Variants in PSG7 observed in about 807,000 individuals in gnomAD.
PSG7 encodes the protein pregnancy-specific beta-1-glycoprotein 7.
PSG7 carries 57 observed loss-of-function variants against 45.6 expected under a neutral mutation model. The observed-to-expected ratio is 1.25, with a 90% CI of 1.01 to 1.56. The LOEUF (loss-of-function observed/expected upper bound fraction) is 1.56, where lower values mean the gene tolerates loss of function less well. PSG7 is among the 40% of genes most tolerant of loss of function. The pLI is 0.00. For synonymous variants in PSG7, 298 were observed against 194.4 expected (o/e 1.53, Z -4.43); for missense variants, 796 against 508.4 (o/e 1.57, Z -5.44).
In PSG7 at chr19:42,932,534, C is replaced by A. The variant is rs141455503; in HGVS notation, c.431-2814G>T. The stretch of plus-strand genomic sequence containing the variant: ...GCCCATGGGCTTTGGGAACTGCAGG[C>A]CCTTCCAGCCTCTGACACCCTGATG... On this transcript the variant is annotated intron_variant, in intron 2 of 5. Coordinates refer to ENST00000406070, the MANE Select transcript of PSG7 (RefSeq NM_002783.3). Among the ~76,000 whole-genome samples the A allele has an allele frequency of 5.3e-5, 8 of 151,416 alleles. 1 individual carries two copies. The highest frequency in any genetic ancestry group is 1.9e-4 in the African/African-American group (8 of 41,214).
chr19:42,925,516 T>C (rs999531913), intron 5 of PSG7: 6 of 966,646 alleles, frequency 6.2e-6, no homozygotes, highest in African/African-American at 3.3e-5. Context: ...AACATTATCC[T>C]CATTATTATC....
Position 42,924,415 on chromosome 19 carries a change from G to C in PSG7, c.*393C>G, listed in dbSNP as rs1972481438. 4.3e-6 allele frequency: 2 copies of C among 464,716 alleles called. No individual in the cohort carries two copies. Among genetic ancestry groups the C allele is most frequent in the East Asian group, 6.2e-5 (2 of 32,256 alleles). 28.8% of individuals were successfully genotyped at this position (464,716 alleles called of 1,614,324 possible). On this transcript the variant is annotated 3_prime_UTR_variant, in exon 6 of 6. Coordinates refer to ENST00000406070, the MANE Select transcript of PSG7 (RefSeq NM_002783.3). ...AGTCTGAGGTTGAGATGACATATCT[G>C]ACACTCTGTTGTTACCCTCAGAAGC...
intron 2 of PSG7, among the ~76,000 whole-genome samples, chr19:42,934,376 C>G (rs1973100089): frequency 6.6e-6 from 1 of 151,288 alleles, no homozygotes; most frequent in Non-Finnish European, 1.5e-5. Flanking sequence ...AGTAAGCCCT[C>G]ACTTCTGGTG....
chr19:42,926,491 A>C lies in PSG7; in HGVS notation c.935T>G (p.Ile312Arg), dbSNP rs1972892699. 1.9e-6 allele frequency: 3 copies of C among 1,611,504 alleles called. No individual in the cohort carries two copies. Among genetic ancestry groups the C allele is most frequent in the Non-Finnish European group, 2.5e-6 (3 of 1,178,990 alleles). ...RNETGPYQCE[I>R]RDRYGGIRSD... ...GCGGATGCCACCATATCGGTCCCGT[A>C]TTTCACATTGATAGGGTCCTGTTTC... The change falls in exon 4 of 6, where the codon ATA (isoleucine) becomes AGA (arginine). Residue 312 changes from isoleucine to arginine, a missense_variant. Physicochemically the swap from Ile to Arg is moderately conservative, Grantham distance 97. Transcript: ENST00000406070.
chr19:42,925,934 G>A lies in PSG7; in HGVS notation c.1082C>T (p.Pro361Leu), dbSNP rs184944789. The A allele has an allele frequency of 3.0e-5, 48 of 1,612,212 alleles. 2 individuals carry two copies. Among genetic ancestry groups the A allele is most frequent in the Admixed American group, 1.0e-4 (6 of 59,892 alleles). Reference protein sequence around the residue: ...YLSCFADSNPPAQYSWTINGK... With the variant: ...YLSCFADSNPLAQYSWTINGK... Reference sequence around the variant, plus strand: ...ATTAATTGTCCAAGAATACTGTGCCGGTGGGTTAGAGTCCGCAAAGCAGGA... The same window carrying A: ...ATTAATTGTCCAAGAATACTGTGCCAGTGGGTTAGAGTCCGCAAAGCAGGA... The change falls in exon 5 of 6, where the codon CCG (proline) becomes CTG (leucine). Residue 361 changes from proline (P) to leucine (L), a missense_variant. Coordinates refer to ENST00000406070, the MANE Select transcript of PSG7 (RefSeq NM_002783.3).
At chr19:42,931,681 G>A (rs1323964635) in intron 2 of PSG7, among the ~76,000 whole-genome samples, 6 of 151,372 alleles carry the variant, frequency 4.0e-5, no homozygotes. Flanking sequence ...TATGAAAACG[G>A]CATCATCATG....
Position 42,935,390 on chromosome 19 carries a change from G to A in PSG7, c.430+14C>T. The A allele has an allele frequency of 6.2e-7, 1 of 1,611,252 alleles. No individual in the cohort carries two copies. The highest frequency in any genetic ancestry group is 8.5e-7 in the Non-Finnish European group (1 of 1,178,532). On this transcript the variant is annotated intron_variant, in intron 2 of 5. Coordinates refer to ENST00000406070, the MANE Select transcript of PSG7 (RefSeq NM_002783.3). ...CTGCCCCCCAACACCCAGGGACCAT[G>A]TGGAATCACTCACGGTATAAGGTGA...
chr19:42,933,282 TATATATATATATATATA>T (rs1973063636), intron 2 of PSG7, among the ~76,000 whole-genome samples: 1 of 7,374 alleles, frequency 1.4e-4, no homozygotes, highest in South Asian at 7.1e-3. Flanking sequence ...TATATATATA[TATATATATATATATATA>T]TATATATATT....
rs564998357 is a variant in PSG7, at chr19:42,924,226, C to T, written c.*582G>A. Reference sequence around the variant, plus strand: ...TAGGAAATGGTGAGAGCCATCCACACAATGTGCATTTAAAGGGGAGTCTAC... The same window carrying T: ...TAGGAAATGGTGAGAGCCATCCACATAATGTGCATTTAAAGGGGAGTCTAC... On this transcript the variant is annotated 3_prime_UTR_variant, in exon 6 of 6. Coordinates refer to ENST00000406070, the MANE Select transcript of PSG7 (RefSeq NM_002783.3). 1 of 213,472 alleles carries T rather than the reference C, an allele frequency of 4.7e-6. No individual in the cohort carries two copies. The highest frequency in any genetic ancestry group is 1.1e-4 in the East Asian group (1 of 9,348). 13.2% of individuals were successfully genotyped at this position (213,472 alleles called of 1,614,324 possible).
In PSG7 at chr19:42,933,290, TATATA is replaced by T. The variant is rs1285532250; in HGVS notation, c.430+2109_430+2113del. Reference sequence around the variant, plus strand: ...CAATATATATATATATATATATATATATATATATATATATATATTTTTTTTTTTTT... The same window carrying T: ...CAATATATATATATATATATATATATTATATATATATATTTTTTTTTTTTT... On this transcript the variant is annotated intron_variant, in intron 2 of 5. Coordinates refer to ENST00000406070, the MANE Select transcript of PSG7 (RefSeq NM_002783.3). 6.5e-3 allele frequency among the ~76,000 whole-genome samples: 78 copies of T among 12,034 alleles called. 7 individuals are homozygous for T. The highest frequency in any genetic ancestry group is 0.015 in the African/African-American group (76 of 4,920). The allele number at this position is 12,034 out of a possible 152,430, so 7.9% of individuals were successfully genotyped here.
chr19:42,933,285 ATATATATATATATATATATATAT>A (rs1170798428), intron 2 of PSG7, among the ~76,000 whole-genome samples: 4 of 8,218 alleles, frequency 4.9e-4, no homozygotes, highest in East Asian at 5.8e-3. Flanking sequence ...ATATATATAT[ATATATATATATATATATATATAT>A]TTTTTTTTTT....
At chr19:42,933,719 G>A (rs1973083711) in intron 2 of PSG7, among the ~76,000 whole-genome samples, 1 of 150,984 alleles carries the variant, frequency 6.6e-6, no homozygotes, top group South Asian at 2.1e-4. Context: ...ACACAGAGAA[G>A]CAGAGAGAGG....
chr19:42,934,591 G>A (rs560344767), intron 2 of PSG7, among the ~76,000 whole-genome samples: 3 of 151,656 alleles, frequency 2.0e-5, no homozygotes, highest in East Asian at 1.9e-4. Context: ...GACCTAATGC[G>A]TAGCACTGTG....
intron 2 of PSG7, among the ~76,000 whole-genome samples, chr19:42,930,298 A>G (rs554233004): frequency 4.6e-5 from 7 of 151,678 alleles, no homozygotes; most frequent in Non-Finnish European, 8.8e-5. Context: ...CAGTGCAGCC[A>G]CAAGGTGGCG....
intron 2 of PSG7, among the ~76,000 whole-genome samples, chr19:42,932,075 G>C (rs1200202582): frequency 6.6e-6 from 1 of 151,244 alleles, no homozygotes; most frequent in Non-Finnish European, 1.5e-5. Flanking sequence ...CCAGGCTGGA[G>C]TGCAGTGGCA....
rs1008506392 is a variant in PSG7, at chr19:42,926,559, G to A, written c.867C>T (p.Arg289=). The change falls in exon 4 of 6, where the codon CGC becomes CGT. Residue 289 remains arginine, a synonymous_variant. Transcript: ENST00000406070. ...SLPVSPRVKR[R]IENRILILPS... Reference sequence around the variant, plus strand: ...GTAGAATGAGGATCCTGTTTTCAATGCGTCGCTTTACCCTGGGACTGACCG... The same window carrying A: ...GTAGAATGAGGATCCTGTTTTCAATACGTCGCTTTACCCTGGGACTGACCG... 1 of 1,610,294 alleles carries A rather than the reference G, an allele frequency of 6.2e-7. No homozygotes were observed. Among genetic ancestry groups the A allele is most frequent in the African/African-American group, 1.3e-5 (1 of 74,524 alleles).
At position 42,929,617 on chromosome 19, in the gene PSG7, G is replaced by A. The variant is rs370139097; in HGVS notation, c.534C>T (p.Tyr178=). 178 of 1,612,578 alleles carry A rather than the reference G, an allele frequency of 1.1e-4. 5 individuals carry two copies. The Middle Eastern group carries it at 3.1e-3, about 28-fold the overall frequency. The change falls in exon 3 of 6, where the codon TAC becomes TAT. Residue 178 remains tyrosine, a synonymous_variant. Transcript: ENST00000406070. ...TCDPETPDAS[Y]LWWMNGQSLP... ...GGCTCTGACCATTCATCCACCACAGGTAGCTTGCATCTGGAGTCTCAGGAT... is the reference window on the plus strand; with the variant it reads ...GGCTCTGACCATTCATCCACCACAGATAGCTTGCATCTGGAGTCTCAGGAT...
chr19:42,929,347 A>G lies in PSG7; in HGVS notation c.709+95T>C, dbSNP rs1048032698. The G allele has an allele frequency of 7.5e-6, 12 of 1,604,302 alleles. No homozygotes were observed. The African/African-American group carries it at 1.5e-4, about 20-fold the overall frequency. Reference sequence around the variant, plus strand: ...CTTTGATGTCCAGGGGTAAAGGTCTACATACTTGGACCTGAGAGGGACTGA... The same window carrying G: ...CTTTGATGTCCAGGGGTAAAGGTCTGCATACTTGGACCTGAGAGGGACTGA... On this transcript the variant is annotated intron_variant, in intron 3 of 5. Coordinates refer to ENST00000406070, the MANE Select transcript of PSG7 (RefSeq NM_002783.3).
chr19:42,928,773 C>T (rs1336954350), intron 3 of PSG7, among the ~76,000 whole-genome samples: 1 of 151,402 alleles, frequency 6.6e-6, no homozygotes, highest in Non-Finnish European at 1.5e-5. Flanking sequence ...GCCAATGCTC[C>T]AGGGATCCAC....
Sources: allele counts gnomAD v4.1 joint callset (sites outside exome capture counted in the v4.1 genomes callset), GRCh38; gene constraint gnomAD v4.1.1; transcripts MANE v1.5; gene names NCBI Gene and HGNC (gene_info 2026-07-23, HGNC 2026-07-21).